VANGL1: variants seen among roughly 807,000 people sequenced by gnomAD.
The protein encoded by VANGL1 is vang-like protein 1.
In VANGL1, 18 loss-of-function variants were observed where a neutral mutation model predicts 48.4. That is an observed-to-expected ratio of 0.37 (90% CI 0.26 to 0.55). VANGL1 has a LOEUF of 0.55. Among genes scored for constraint, VANGL1 ranks in the 20% least tolerant of loss-of-function variants. The pLI is 0.81. For missense variants in VANGL1, 667 were observed against 675.8 expected (o/e 0.99, Z 0.14); for synonymous variants, 257 against 261.8 (o/e 0.98, Z 0.18).
intron 4 of VANGL1, among the ~76,000 whole-genome samples, chr1:115,669,001 G>C (rs1353049713): frequency 6.6e-6 from 1 of 152,188 alleles, no homozygotes; most frequent in Non-Finnish European, 1.5e-5. Context: ...CAATGTCACA[G>C]ACCCCCACAA....
intron 6 of VANGL1, among the ~76,000 whole-genome samples, chr1:115,684,336 C>T (rs143049489): frequency 1.3e-5 from 2 of 152,004 alleles, no homozygotes; most frequent in East Asian, 1.9e-4. Context: ...GATGGGGTTT[C>T]GCTATGTTGG....
rs1033515807 is a variant in VANGL1 at position 115,685,442 on chromosome 1, GCAT to G, written c.1232_1234del (p.Ile411del). The G allele has an allele frequency of 3.7e-6, 6 of 1,614,054 alleles. No individual in the cohort carries two copies. The highest frequency in any genetic ancestry group is 5.1e-6 in the Non-Finnish European group (6 of 1,180,008). On this transcript the variant is annotated inframe_deletion, in exon 7 of 8. Coordinates refer to ENST00000355485, the MANE Select transcript of VANGL1 (RefSeq NM_138959.3). ...GCCAGGGCTCTCCAGAAGTACCTGC[GCAT>G]CACCCGGCAGCAGAACTACCACAGC...
At position 115,682,357 on chromosome 1, in the gene VANGL1, T is replaced by C. The variant is rs1653425325; in HGVS notation, c.813-7T>C. ...GCTTTGCATTAATTTTGTTCTTTTT[T>C]TCTCAGTATCCAGCGAGCAGCATTG... On this transcript the variant is annotated splice_polypyrimidine_tract_variant and splice_region_variant and intron_variant, in intron 4 of 7. Transcript: ENST00000355485. 3 of 1,613,954 alleles carry C rather than the reference T, an allele frequency of 1.9e-6. No homozygotes were observed. The highest frequency in any genetic ancestry group is 2.7e-5 in the African/African-American group (2 of 74,924).
At position 115,691,212 on chromosome 1, in the gene VANGL1, G is replaced by A; in HGVS notation, c.1408G>A (p.Ala470Thr). ...ACAGTGGAGGCTTGTCAGTGATGAG[G>A]CTGTGACTAATGGATTACGGGATGG... ...STQWRLVSDE[A>T]VTNGLRDGIV... Residue 470 changes from alanine (A) to threonine (T), a missense_variant, in exon 8 of 8, where the codon GCT becomes ACT. Transcript: ENST00000355485. 6.2e-7 allele frequency: 1 copy of A among 1,613,804 alleles called. No homozygotes were observed.
rs200739468 is a variant in VANGL1, at chr1:115,691,295, T to G, written c.1491T>G (p.Ile497Met). ...GCCTCGTAGTCAATGTGAAGAAAAT[T>G]CCATTCATCATACTCTCTGAAGAGT... Reference protein sequence around the residue: ...DFSLVVNVKKIPFIILSEEFI... With the variant: ...DFSLVVNVKKMPFIILSEEFI... Residue 497 changes from isoleucine to methionine, a missense_variant, in exon 8 of 8, where the codon ATT becomes ATG. Coordinates refer to ENST00000355485, the MANE Select transcript of VANGL1 (RefSeq NM_138959.3). 39 of 1,614,174 alleles carry G rather than the reference T, an allele frequency of 2.4e-5. No individual in the cohort carries two copies. Among genetic ancestry groups the G allele is most frequent in the Non-Finnish European group, 3.1e-5 (37 of 1,180,034 alleles).
Position 115,673,022 on chromosome 1 carries a change from G to T in VANGL1, c.812+8754G>T, listed in dbSNP as rs1043079745. On this transcript the variant is annotated intron_variant, in intron 4 of 7. Coordinates refer to ENST00000355485, the MANE Select transcript of VANGL1 (RefSeq NM_138959.3). ...AAGCATCAGCTATTGCACCCTAGCTGCAGGTTTTCACAGAAAGCTGAATCA... is the reference window on the plus strand; with the variant it reads ...AAGCATCAGCTATTGCACCCTAGCTTCAGGTTTTCACAGAAAGCTGAATCA... 2.6e-5 allele frequency among the ~76,000 whole-genome samples: 4 copies of T among 152,216 alleles called. No individual in the cohort carries two copies. In the East Asian group the frequency reaches 7.7e-4, roughly 29 times the overall value.
rs34575210 is a variant in VANGL1 at position 115,646,493 on chromosome 1, C to CTT, written c.-138+4424_-138+4425dup. 4.2e-3 allele frequency among the ~76,000 whole-genome samples: 545 copies of CTT among 128,652 alleles called. 4 individuals carry two copies. Among genetic ancestry groups the CTT allele is most frequent in the African/African-American group, 0.013 (432 of 33,882 alleles). 84.4% of individuals were successfully genotyped at this position (128,652 alleles called of 152,430 possible). ...ACTGCCATGCGAGCCAGTAGTATAG[C>CTT]TTTTTTTTTTTTTTTTTTGATAGTT... On this transcript the variant is annotated intron_variant, in intron 1 of 7. Coordinates refer to ENST00000355485, the MANE Select transcript of VANGL1 (RefSeq NM_138959.3).
chr1:115,669,714 C>T (rs1652908159), intron 4 of VANGL1, among the ~76,000 whole-genome samples: 2 of 152,122 alleles, frequency 1.3e-5, no homozygotes, highest in Non-Finnish European at 2.9e-5. Context: ...AACTGTGAGT[C>T]CATTAAACCT....
chr1:115,644,806 G>A (rs748510101), intron 1 of VANGL1, among the ~76,000 whole-genome samples: 2 of 152,202 alleles, frequency 1.3e-5, no homozygotes, highest in Non-Finnish European at 2.9e-5. Flanking sequence ...GTACCCAGCT[G>A]CTGGAGGTGT....
At chr1:115,642,617 C>G (rs186489559) in intron 1 of VANGL1, 2 of 152,400 alleles carry the variant, frequency 1.3e-5, no homozygotes, top group East Asian at 3.9e-4. Context: ...CAGAGCTGGT[C>G]TGTGTGCACA....
chr1:115,666,497 C>T (rs572086336), intron 4 of VANGL1, among the ~76,000 whole-genome samples: 1 of 152,302 alleles, frequency 6.6e-6, no homozygotes, highest in Admixed American at 6.5e-5. Flanking sequence ...AGAAGCCAGA[C>T]TGATTGTGCT....
At chr1:115,654,001 G>T (rs1652247932) in intron 2 of VANGL1, among the ~76,000 whole-genome samples, 1 of 152,154 alleles carries the variant, frequency 6.6e-6, no homozygotes, top group African/African-American at 2.4e-5. Flanking sequence ...TCCCTAGAGA[G>T]CACGGGCTGT....
intron 7 of VANGL1, 144 bp from the exon 8 acceptor site, chr1:115,690,975 A>C: frequency 1.8e-6 from 2 of 1,118,162 alleles, no homozygotes; most frequent in Non-Finnish European, 2.6e-6. Flanking sequence ...TCTGATGGGA[A>C]TTGAGTGTGA....
chr1:115,648,679 C>T (rs1385726478), intron 1 of VANGL1, among the ~76,000 whole-genome samples: 1 of 152,216 alleles, frequency 6.6e-6, no homozygotes, highest in Non-Finnish European at 1.5e-5. Flanking sequence ...TAAATGACCT[C>T]ATTTTTATGG....
intron 4 of VANGL1, among the ~76,000 whole-genome samples, chr1:115,674,078 C>T (rs964988432): frequency 6.6e-6 from 1 of 152,174 alleles, no homozygotes; most frequent in Non-Finnish European, 1.5e-5. Context: ...TGAACACTGA[C>T]CCTGTTGCTC....
chr1:115,687,065 T>C lies in VANGL1; in HGVS notation c.1314+1538T>C, dbSNP rs1207786185. Among the ~76,000 whole-genome samples, 2 of 138,598 alleles carry C rather than the reference T, an allele frequency of 1.4e-5. 1 individual carries two copies. Among genetic ancestry groups the C allele is most frequent in the Non-Finnish European group, 3.2e-5 (2 of 63,368 alleles). The allele number at this position is 138,598 out of a possible 152,430, so 90.9% of individuals were successfully genotyped here. On this transcript the variant is annotated intron_variant, in intron 7 of 7. Coordinates refer to ENST00000355485, the MANE Select transcript of VANGL1 (RefSeq NM_138959.3). ...CTATATGTGTATCCTGCTGGTTACA[T>C]TGTCAACCAATAACTACCCTTAGGA...
rs556511861 is a variant in VANGL1 at position 115,688,333 on chromosome 1, C to A, written c.1315-2786C>A. On this transcript the variant is annotated intron_variant, in intron 7 of 7. Transcript: ENST00000355485. ...GATGCACATTTGGATTAAGAGTTTTCATTAGTGAAAGCCAGGGGCTTGTTG... is the reference window on the plus strand; with the variant it reads ...GATGCACATTTGGATTAAGAGTTTTAATTAGTGAAAGCCAGGGGCTTGTTG... Among the ~76,000 whole-genome samples, 36 of 138,352 alleles carry A rather than the reference C, an allele frequency of 2.6e-4. 8 individuals are homozygous for A. Among genetic ancestry groups the A allele is most frequent in the African/African-American group, 9.8e-4 (36 of 36,818 alleles). The allele number at this position is 138,352 out of a possible 152,430, so 90.8% of individuals were successfully genotyped here. A position where few individuals can be genotyped will look rare whatever the true frequency, so the allele number is the denominator to read the frequency against.
intron 6 of VANGL1, among the ~76,000 whole-genome samples, chr1:115,684,420 A>G (rs938798192): frequency 6.6e-6 from 1 of 152,172 alleles, no homozygotes. Flanking sequence ...GATTACAGGC[A>G]TGAGCCACCA....
chr1:115,659,299 C>T (rs904896218), intron 2 of VANGL1, among the ~76,000 whole-genome samples: 5 of 152,044 alleles, frequency 3.3e-5, no homozygotes, highest in Admixed American at 6.5e-5. Flanking sequence ...ATAACCAAAT[C>T]AAATCACTAA....
Sources: gnomAD v4.1 joint callset for allele counts (sites outside exome capture counted in the v4.1 genomes callset) on GRCh38, gnomAD v4.1.1 for gene constraint, MANE v1.5 for transcripts, NCBI Gene and HGNC (gene_info 2026-07-23, HGNC 2026-07-21) for gene names.